Variants in MMP27 observed in about 807,000 individuals in gnomAD.
MMP27 encodes matrix metallopeptidase 27, also known as matrix metalloproteinase-27.
In MMP27, 51 loss-of-function variants were observed where a neutral mutation model predicts 48.1. The ratio of observed to expected loss-of-function variants is 1.06; its 90% confidence interval spans 0.85 to 1.34. MMP27 has a LOEUF of 1.34. Ranked by LOEUF, MMP27 falls within the 40% of genes most tolerant of loss-of-function variation. The probability of loss-of-function intolerance (pLI) is 0.00; values close to 1 mark genes in which losing one functional copy is unlikely to be tolerated. For synonymous variants in MMP27, 229 were observed against 208.9 expected (o/e 1.10, Z -0.83); for missense variants, 698 against 619.3 (o/e 1.13, Z -1.35).
chr11:102,692,214 G>A lies in MMP27; in HGVS notation c.1298-204C>T, dbSNP rs373342216. 8.5e-5 allele frequency among the ~76,000 whole-genome samples: 13 copies of A among 152,168 alleles called. 1 individual carries two copies. The highest frequency in any genetic ancestry group is 7.7e-4 in the East Asian group (4 of 5,202). On this transcript the variant is annotated intron_variant, in intron 9 of 9. Coordinates refer to ENST00000260229, the MANE Select transcript of MMP27 (RefSeq NM_022122.3). Reference sequence around the variant, plus strand: ...AAGGAGGAAGCCAGTGTTATAAAGGGTGAGTTTCAAGGGACTTTTTACCTT... The same window carrying A: ...AAGGAGGAAGCCAGTGTTATAAAGGATGAGTTTCAAGGGACTTTTTACCTT...
Position 102,693,030 on chromosome 11 carries a change from A to G in MMP27, c.1205T>C (p.Met402Thr). ...VGIWCWRFDEMTQTMDKGFPQ... is the reference protein window; with the variant it reads ...VGIWCWRFDETTQTMDKGFPQ... ...GAACCCTTTGTCCATGGTTTGGGTC[A>G]TTTCATCAAACCTGCATACAAGAAT... The change falls in exon 9 of 10, where the codon ATG (methionine) becomes ACG (threonine). Residue 402 changes from methionine to threonine, a missense_variant. Physicochemically the swap from Met to Thr is moderately conservative, Grantham distance 81. Transcript: ENST00000260229. 1 of 1,613,178 alleles carries G rather than the reference A, an allele frequency of 6.2e-7. No homozygotes were observed. The highest frequency in any genetic ancestry group is 8.5e-7 in the Non-Finnish European group (1 of 1,179,470).
intron 4 of MMP27, among the ~76,000 whole-genome samples, chr11:102,700,748 CA>C (rs1860924770): frequency 6.6e-6 from 1 of 152,244 alleles, no homozygotes; most frequent in Non-Finnish European, 1.5e-5. Flanking sequence ...GTGTGTGCCA[CA>C]CACACACTCA....
At chr11:102,692,229 C>A (rs1189398483) in intron 9 of MMP27, among the ~76,000 whole-genome samples, 1 of 152,148 alleles carries the variant, frequency 6.6e-6, no homozygotes, top group Non-Finnish European at 1.5e-5. Context: ...TTTCAAGGGA[C>A]TTTTTACCTT....
intron 4 of MMP27, among the ~76,000 whole-genome samples, chr11:102,700,693 C>A (rs1860923562): frequency 6.6e-6 from 1 of 152,262 alleles, no homozygotes; most frequent in African/African-American, 2.4e-5. Context: ...CCCAACACTG[C>A]ATCTGTAGCA....
rs1365318413 is a variant in MMP27, at chr11:102,691,769, T to C, written c.1539A>G (p.Gln513=). ...VHLLKNTSIY[Q] ...GGTTTATTTTAGGTCTATGAATTTA[T>C]TGATAAATAGAAGTGTTTTTCAGCA... is the stretch of plus-strand genomic sequence containing the variant. Residue 513 remains glutamine (Q), a synonymous_variant, in exon 10 of 10, where the codon CAA becomes CAG. Transcript: ENST00000260229. The C allele has an allele frequency of 1.2e-5, 19 of 1,582,520 alleles. No individual in the cohort carries two copies. Among genetic ancestry groups the C allele is most frequent in the Non-Finnish European group, 1.4e-5 (16 of 1,160,024 alleles).
At chr11:102,703,873 A>G (rs17099427) in intron 2 of MMP27, among the ~76,000 whole-genome samples, 1 of 152,124 alleles carries the variant, frequency 6.6e-6, no homozygotes, top group Non-Finnish European at 1.5e-5. Flanking sequence ...TCAGGAAAAG[A>G]TTTTTCTCGT....
intron 5 of MMP27, 46 bp downstream of exon 5, chr11:102,696,628 G>A: frequency 6.4e-7 from 1 of 1,570,028 alleles, no homozygotes; most frequent in Non-Finnish European, 8.6e-7. Context: ...TTTCTGAAAA[G>A]CTTCCTATTT....
intron 6 of MMP27, 102 bp from the exon 7 acceptor site, chr11:102,695,199 C>G: frequency 7.8e-7 from 1 of 1,288,014 alleles, no homozygotes. Flanking sequence ...TGGTATCTTC[C>G]TCAAATAATT....
intron 4 of MMP27, 27 bp from the exon 5 acceptor site, chr11:102,696,862 C>A: frequency 1.3e-6 from 2 of 1,590,866 alleles, no homozygotes; most frequent in Non-Finnish European, 1.7e-6. Flanking sequence ...AAAACACGAG[C>A]ACATGACTTA....
At chr11:102,694,144 T>A in intron 7 of MMP27, 79 bp from the exon 8 acceptor site, 1 of 1,043,976 alleles carries the variant, frequency 9.6e-7, no homozygotes, top group Non-Finnish European at 1.3e-6. Flanking sequence ...ATTAGATACC[T>A]AGTTCCTTTT....
chr11:102,700,318 A>C (rs1370156312), intron 4 of MMP27, among the ~76,000 whole-genome samples: 1 of 152,230 alleles, frequency 6.6e-6, no homozygotes, highest in Non-Finnish European at 1.5e-5. Context: ...TAAATAGACA[A>C]ATTTGTGCAT....
rs762178231 is a variant in MMP27, at chr11:102,691,730, A to G, written c.*36T>C. The G allele has an allele frequency of 1.1e-4, 168 of 1,479,886 alleles. 1 individual carries two copies. The highest frequency in any genetic ancestry group is 2.3e-5 in the Non-Finnish European group (25 of 1,099,996). 91.7% of individuals were successfully genotyped at this position (1,479,886 alleles called of 1,614,324 possible). ...TCTATTTTGAAGCAGAATTTATATT[A>G]AAAGACCTGTTGAGGTTTATTTTAG... On this transcript the variant is annotated 3_prime_UTR_variant, in exon 10 of 10. Transcript: ENST00000260229.
At chr11:102,700,058 G>A (rs938152125) in intron 4 of MMP27, among the ~76,000 whole-genome samples, 2 of 152,138 alleles carry the variant, frequency 1.3e-5, no homozygotes, top group Non-Finnish European at 2.9e-5. Context: ...ACTGATTTTA[G>A]TTGCCATTTA....
At chr11:102,694,369 A>T (rs141556870) in intron 7 of MMP27, among the ~76,000 whole-genome samples, 54 of 152,362 alleles carry the variant, frequency 3.5e-4, no homozygotes, top group African/African-American at 1.3e-3. Flanking sequence ...GTATTTAAAC[A>T]TCACATTGTA....
Position 102,704,586 on chromosome 11 carries a change from G to T in MMP27, c.292C>A (p.Gln98Lys), listed in dbSNP as rs765171890. ...TPRCGVPDVG[Q>K]YGYTLPGWRK... ...CACCCAGGGAGGGTGTAGCCATACT[G>T]GCCCACATCAGGCACCCCACACCTG... Residue 98 changes from glutamine to lysine, a missense_variant, in exon 2 of 10, where the codon CAG becomes AAG. By Grantham distance (53) the Gln-to-Lys change is moderately conservative. Transcript: ENST00000260229. 1 of 1,614,148 alleles carries T rather than the reference G, an allele frequency of 6.2e-7. No homozygotes were observed.
At position 102,696,810 on chromosome 11, in the gene MMP27, A is replaced by G. The variant is rs774082208; in HGVS notation, c.645T>C (p.Ala215=). The part of the protein sequence containing the change: ...GAGFNLFLVA[A]HEFGHALGLS... ...GCCCCAGTGCATGACCAAATTCATGAGCAGCCACAAGAAACAAGTTGAATC... is the reference window on the plus strand; with the variant it reads ...GCCCCAGTGCATGACCAAATTCATGGGCAGCCACAAGAAACAAGTTGAATC... The change falls in exon 5 of 10, where the codon GCT becomes GCC. Residue 215 remains alanine (A), a synonymous_variant. Coordinates refer to ENST00000260229, the MANE Select transcript of MMP27 (RefSeq NM_022122.3). The G allele has an allele frequency of 9.9e-6, 16 of 1,610,636 alleles. No homozygotes were observed. The highest frequency in any genetic ancestry group is 1.4e-5 in the Non-Finnish European group (16 of 1,179,270).
chr11:102,695,396 C>G (rs907069000), intron 6 of MMP27, among the ~76,000 whole-genome samples: 1 of 152,138 alleles, frequency 6.6e-6, no homozygotes, highest in African/African-American at 2.4e-5. Context: ...GCAGCAACAC[C>G]CAACATTCTA....
At chr11:102,704,924 G>A (rs535441360) in intron 1 of MMP27, 149 bp from the exon 2 acceptor site, 346 of 598,654 alleles carry the variant, frequency 5.8e-4, no homozygotes, top group Non-Finnish European at 8.9e-4. Flanking sequence ...GAGGAGTGAA[G>A]GAGGAAAGAA....
chr11:102,703,029 A>G lies in MMP27; in HGVS notation c.431T>C (p.Leu144Pro). Reference protein sequence around the residue: ...GLEVWSKVTPLKFTKISKGIA... With the variant: ...GLEVWSKVTPPKFTKISKGIA... ...CCCCTTTGAAATCTTGGTGAATTTT[A>G]GTGGAGTGACTTTGCTCCACACTTC... The change falls in exon 3 of 10, where the codon CTA (leucine) becomes CCA (proline). Residue 144 changes from leucine (L) to proline (P), a missense_variant. By Grantham distance (98) the Leu-to-Pro change is moderately conservative. Coordinates refer to ENST00000260229, the MANE Select transcript of MMP27 (RefSeq NM_022122.3). 1 of 1,614,206 alleles carries G rather than the reference A, an allele frequency of 6.2e-7. No homozygotes were observed.
Sources: allele counts gnomAD v4.1 joint callset (sites outside exome capture counted in the v4.1 genomes callset), GRCh38; gene constraint gnomAD v4.1.1; transcripts MANE v1.5; gene names NCBI Gene and HGNC (gene_info 2026-07-23, HGNC 2026-07-21).